CALD1: variants seen among roughly 807,000 people sequenced by gnomAD.
CALD1 encodes caldesmon.
CALD1 carries 33 observed loss-of-function variants against 99.9 expected under a neutral mutation model. The ratio of observed to expected loss-of-function variants is 0.33; its 90% confidence interval spans 0.25 to 0.44. The LOEUF (loss-of-function observed/expected upper bound fraction) is 0.44. Among genes scored for constraint, CALD1 ranks in the 20% least tolerant of loss-of-function variants. The probability of loss-of-function intolerance (pLI) is 1.00; values close to 1 mark genes in which losing one functional copy is unlikely to be tolerated. For synonymous variants in CALD1, 310 were observed against 325.0 expected (o/e 0.95, Z 0.50); for missense variants, 861 against 962.1 (o/e 0.89, Z 1.39).
At chr7:134,838,756 C>A (rs1799538987) in intron 1 of CALD1, among the ~76,000 whole-genome samples, 2 of 152,186 alleles carry the variant, frequency 1.3e-5, no homozygotes, top group Admixed American at 6.5e-5. Context: ...TGTTTTCTCT[C>A]ACTGTTTGTC....
chr7:134,724,926 C>T, the CALD1 span, among the ~76,000 whole-genome samples: 10 of 152,236 alleles, frequency 6.6e-5, no homozygotes, highest in African/African-American at 1.9e-4. Flanking sequence ...AGAACAAGGT[C>T]CTGTGCCTAA....
chr7:134,867,938 A>G, intron 3 of CALD1, 134 bp downstream of exon 3: 1 of 457,794 alleles, frequency 2.2e-6, no homozygotes, highest in Non-Finnish European at 4.0e-6. Context: ...AGTTATGGAA[A>G]ATTTTTCTGC....
chr7:134,943,909 C>T (rs150660641), intron 7 of CALD1, among the ~76,000 whole-genome samples: 162 of 152,232 alleles, frequency 1.1e-3, no homozygotes, highest in African/African-American at 3.7e-3. Flanking sequence ...ATATTAGATT[C>T]TACTGGATGG....
chr7:134,844,182 G>A (rs565034040), intron 2 of CALD1: 2 of 127,638 alleles, frequency 1.6e-5, no homozygotes, highest in Non-Finnish European at 3.4e-5. Context: ...ATCCTGTTTT[G>A]TAATCTGATT....
At chr7:134,875,404 G>A (rs1163932247) in intron 3 of CALD1, among the ~76,000 whole-genome samples, 3 of 152,224 alleles carry the variant, frequency 2.0e-5, no homozygotes, top group Admixed American at 6.5e-5. Context: ...GCGAGGCTGA[G>A]CCAGGTGGAT....
rs1483834574 is a variant in CALD1, at chr7:134,866,506, G to GT, written c.-41-1180dup. 1.1e-4 allele frequency among the ~76,000 whole-genome samples: 16 copies of GT among 152,182 alleles called. No homozygotes were observed. In the East Asian group the frequency reaches 1.9e-3, roughly 18 times the overall value. The stretch of plus-strand genomic sequence containing the variant: ...GAACTTTTATTTTTGTTTTTGTGGG[G>GT]TTTTTTTAGAGGGGAAAAAACCTTT... On this transcript the variant is annotated intron_variant, in intron 2 of 14. Transcript: ENST00000361675.
chr7:134,726,197 G>A, the CALD1 span, among the ~76,000 whole-genome samples: 1 of 151,276 alleles, frequency 6.6e-6, no homozygotes, highest in African/African-American at 2.4e-5. Context: ...TGCAAAAAAA[G>A]CTGAGAAATA....
rs541235569 is a variant in CALD1 at position 134,926,467 on chromosome 7, AG to A, written c.72-2285del. Among the ~76,000 whole-genome samples, 3 of 152,320 alleles carry A rather than the reference AG, an allele frequency of 2.0e-5. No individual in the cohort carries two copies. In the South Asian group the frequency reaches 6.2e-4, roughly 32 times the overall value. ...GACATTTTATTTGTATTGGCTTTTG[AG>A]GATTGCACATGAGCAGATTTTAGTA... On this transcript the variant is annotated intron_variant, in intron 3 of 14. Transcript: ENST00000361675.
intron 3 of CALD1, among the ~76,000 whole-genome samples, chr7:134,903,941 G>C (rs1803181324): frequency 6.6e-6 from 1 of 152,088 alleles, no homozygotes; most frequent in Non-Finnish European, 1.5e-5. Context: ...AAGTGGGATA[G>C]GCTAGGCATG....
At chr7:134,931,877 G>T (rs570689825) in intron 4 of CALD1, among the ~76,000 whole-genome samples, 1 of 152,184 alleles carries the variant, frequency 6.6e-6, no homozygotes, top group Non-Finnish European at 1.5e-5. Flanking sequence ...AAGGTAGATT[G>T]TGTATACATT....
At chr7:134,877,896 C>A (rs549547940) in intron 3 of CALD1, among the ~76,000 whole-genome samples, 1 of 152,102 alleles carries the variant, frequency 6.6e-6, no homozygotes, top group Non-Finnish European at 1.5e-5. Context: ...AAAAATGTAT[C>A]CCAAATTACT....
chr7:134,896,103 C>G (rs1208921875), intron 3 of CALD1, among the ~76,000 whole-genome samples: 1 of 152,204 alleles, frequency 6.6e-6, no homozygotes, highest in East Asian at 1.9e-4. Context: ...CCAGTCGGAA[C>G]TGGCTTAGAC....
At chr7:134,845,544 C>A (rs923856009) in intron 2 of CALD1, among the ~76,000 whole-genome samples, 2 of 152,182 alleles carry the variant, frequency 1.3e-5, no homozygotes, top group Admixed American at 6.5e-5. Flanking sequence ...GGTGGCCTTT[C>A]CACAAGAAAA....
At chr7:134,772,647 A>G (rs759555469) in intron 1 of CALD1, among the ~76,000 whole-genome samples, 2 of 152,220 alleles carry the variant, frequency 1.3e-5, no homozygotes, top group Non-Finnish European at 2.9e-5. Flanking sequence ...TTTTTCTTAC[A>G]GTTGAACTAT....
intron 2 of CALD1, among the ~76,000 whole-genome samples, chr7:134,848,129 C>G (rs1236778777): frequency 6.6e-6 from 1 of 151,664 alleles, no homozygotes; most frequent in African/African-American, 2.4e-5. Context: ...ATTTTCCTTC[C>G]TACTATTCTC....
At position 134,878,942 on chromosome 7, in the gene CALD1, T is replaced by C. The variant is rs180994643; in HGVS notation, c.71+11138T>C. Among the ~76,000 whole-genome samples the C allele has an allele frequency of 1.7e-3, 266 of 152,148 alleles. 2 individuals carry two copies. Among genetic ancestry groups the C allele is most frequent in the African/African-American group, 6.0e-3 (249 of 41,508 alleles). ...GTGAGCCATGATTGCACTACTGCAC[T>C]CCAGCCTGGACAACAGAGGGAGACC... On this transcript the variant is annotated intron_variant, in intron 3 of 14. Coordinates refer to ENST00000361675, the MANE Select transcript of CALD1 (RefSeq NM_033138.4).
intron 3 of CALD1, among the ~76,000 whole-genome samples, chr7:134,914,835 TC>T (rs1235267079): frequency 6.6e-6 from 1 of 152,224 alleles, no homozygotes; most frequent in African/African-American, 2.4e-5. Flanking sequence ...GCCTTCTTCC[TC>T]CTCTAAACTT....
the CALD1 span, among the ~76,000 whole-genome samples, chr7:134,721,119 G>A: frequency 6.6e-6 from 1 of 152,166 alleles, no homozygotes; most frequent in Non-Finnish European, 1.5e-5. Flanking sequence ...GCTGGAACAG[G>A]AGGCTCTGTG....
chr7:134,956,997 T>TAAA (rs149204696), intron 9 of CALD1, among the ~76,000 whole-genome samples: 6,990 of 149,022 alleles, frequency 0.047, 527 homozygotes, highest in African/African-American at 0.16. Context: ...TTCCTAGCTT[T>TAAA]AAAAAAAAAA....
Sources: gnomAD v4.1 joint callset for allele counts (sites outside exome capture counted in the v4.1 genomes callset) on GRCh38, gnomAD v4.1.1 for gene constraint, MANE v1.5 for transcripts, NCBI Gene and HGNC (gene_info 2026-07-23, HGNC 2026-07-21) for gene names.